EMILIN2: variants seen among roughly 807,000 people sequenced by gnomAD.
EMILIN2 encodes the protein elastin microfibril interfacer 2.
A neutral mutation model predicts 87.1 loss-of-function variants in EMILIN2; 71 were observed. That is an observed-to-expected ratio of 0.82 (90% confidence interval 0.67 to 0.99). The LOEUF (loss-of-function observed/expected upper bound fraction) is 0.99. EMILIN2 is among the 50% of genes least tolerant of loss of function. The pLI is 0.00. For missense variants in EMILIN2, 1,407 were observed against 1,371.8 expected (o/e 1.03, Z -0.40); for synonymous variants, 581 against 563.4 (o/e 1.03, Z -0.44).
intron 2 of EMILIN2, among the ~76,000 whole-genome samples, chr18:2,870,398 T>G (rs1355576456): frequency 6.6e-6 from 1 of 152,256 alleles, no homozygotes; most frequent in Non-Finnish European, 1.5e-5. Flanking sequence ...TGAAGACTAT[T>G]TGTTTCATTA....
intron 4 of EMILIN2, among the ~76,000 whole-genome samples, chr18:2,895,262 G>GT (rs988588953): frequency 7.9e-5 from 12 of 152,072 alleles, no homozygotes; most frequent in African/African-American, 2.9e-4. Flanking sequence ...TGAGCCCTCA[G>GT]TGTAGGTATT....
At chr18:2,884,542 G>A (rs1240434881) in intron 2 of EMILIN2, among the ~76,000 whole-genome samples, 2 of 152,326 alleles carry the variant, frequency 1.3e-5, no homozygotes, top group Admixed American at 6.5e-5. Flanking sequence ...CACTGTGCCC[G>A]GCCAGGAATA....
chr18:2,875,577 G>A (rs1345394910), intron 2 of EMILIN2, among the ~76,000 whole-genome samples: 1 of 152,342 alleles, frequency 6.6e-6, no homozygotes, highest in African/African-American at 2.4e-5. Context: ...GCTAAGGCTC[G>A]TGGGATGCCC....
chr18:2,897,807 A>T (rs572970544), intron 4 of EMILIN2, among the ~76,000 whole-genome samples: 1 of 151,228 alleles, frequency 6.6e-6, no homozygotes, highest in South Asian at 2.1e-4. Flanking sequence ...GGCTGCAGTG[A>T]GCTATGATCA....
In EMILIN2 at chr18:2,907,076, G is replaced by A; in HGVS notation, c.2653G>A (p.Gly885Ser). The A allele has an allele frequency of 8.0e-7, 1 of 1,253,724 alleles. No homozygotes were observed. Among genetic ancestry groups the A allele is most frequent in the Non-Finnish European group, 1.0e-6 (1 of 1,001,794 alleles). 77.7% of individuals were successfully genotyped at this position (1,253,724 alleles called of 1,614,324 possible). A position where few individuals can be genotyped will look rare whatever the true frequency, so the allele number is the denominator to read the frequency against. ...GTVPGAEGFAGAPGYPKSPPV... is the reference protein window; with the variant it reads ...GTVPGAEGFASAPGYPKSPPV... ...CGTCCCCGGCGCAGAAGGCTTCGCG[G>A]GCGCACCAGGTGAGGCCCGGGGCTG... Residue 885 changes from glycine (G) to serine (S), a missense_variant, in exon 5 of 8, where the codon GGC (glycine) becomes AGC (serine). By Grantham distance (56) the Gly-to-Ser change is moderately conservative. Transcript: ENST00000254528.
At chr18:2,864,711 C>T (rs1286376669) in intron 2 of EMILIN2, among the ~76,000 whole-genome samples, 2 of 152,100 alleles carry the variant, frequency 1.3e-5, no homozygotes, top group East Asian at 1.9e-4. Context: ...TTGCTCTTCT[C>T]AAGGAGTCTC....
chr18:2,865,927 G>C (rs1416338561), intron 2 of EMILIN2, among the ~76,000 whole-genome samples: 1 of 152,184 alleles, frequency 6.6e-6, no homozygotes, highest in Non-Finnish European at 1.5e-5. Flanking sequence ...CCCTCCCCCA[G>C]CCTCACTGCC....
chr18:2,853,665 C>A (rs904382421), intron 2 of EMILIN2, among the ~76,000 whole-genome samples: 3 of 152,210 alleles, frequency 2.0e-5, no homozygotes, highest in African/African-American at 7.2e-5. Flanking sequence ...GCAGAGCCTG[C>A]CTTCAAACCC....
At chr18:2,885,166 A>G in intron 3 of EMILIN2, 27 bp downstream of exon 3, 1 of 1,550,262 alleles carries the variant, frequency 6.5e-7, no homozygotes, top group Non-Finnish European at 8.7e-7. Flanking sequence ...GCTATTATGT[A>G]TGGCCACCTT....
At position 2,891,876 on chromosome 18, in the gene EMILIN2, GA is replaced by G; in HGVS notation, c.1752del (p.Lys584AsnfsTer32). ...CAGTACGCGACAGCCTGCACCTTTT[GA>G]AATCTCTCAACGACACGATGCACAG... is the stretch of plus-strand genomic sequence containing the variant. ...RAVRDSLHLLKSLNDTMHRKF... is the reference protein window; with the variant it reads ...RAVRDSLHLLXSLNDTMHRKF... On this transcript the variant is annotated frameshift_variant, in exon 4 of 8. Transcript: ENST00000254528. LOFTEE classifies it high-confidence loss of function. This position sits in a 1 kb window ranked among gnomAD's most constrained non-coding sequence, Gnocchi z 4.6. 1 of 1,614,240 alleles carries G rather than the reference GA, an allele frequency of 6.2e-7. No homozygotes were observed. The highest frequency in any genetic ancestry group is 2.2e-5 in the East Asian group (1 of 44,888).
intron 2 of EMILIN2, among the ~76,000 whole-genome samples, chr18:2,858,443 G>A (rs1446322830): frequency 7.0e-6 from 1 of 143,854 alleles, no homozygotes; most frequent in Non-Finnish European, 1.5e-5. Context: ...ACTTCATTTA[G>A]AATAATAGTC....
rs1190417648 is a variant in EMILIN2 at position 2,880,433 on chromosome 18, G to C, written c.258-4531G>C. On this transcript the variant is annotated intron_variant, in intron 2 of 7. Transcript: ENST00000254528. The surrounding 1 kb of genome is among the most constrained non-coding windows in gnomAD (Gnocchi z 4.1). ...CAAAGGAGACTTGGCTGGAATGGGGGAGAGTTCACAGGGGCGAGGCGGCAG... is the reference window on the plus strand; with the variant it reads ...CAAAGGAGACTTGGCTGGAATGGGGCAGAGTTCACAGGGGCGAGGCGGCAG... Among the ~76,000 whole-genome samples, 1 of 152,194 alleles carries C rather than the reference G, an allele frequency of 6.6e-6. No homozygotes were observed. Among genetic ancestry groups the C allele is most frequent in the Non-Finnish European group, 1.5e-5 (1 of 68,026 alleles).
chr18:2,854,749 G>A (rs545989924), intron 2 of EMILIN2, among the ~76,000 whole-genome samples: 2 of 152,120 alleles, frequency 1.3e-5, no homozygotes, highest in Non-Finnish European at 2.9e-5. Flanking sequence ...AGCCATGATT[G>A]CAGTACTGCA....
chr18:2,885,096 C>G lies in EMILIN2; in HGVS notation c.390C>G (p.Arg130=). The G allele has an allele frequency of 1.2e-6, 2 of 1,612,588 alleles. No individual in the cohort carries two copies. The highest frequency in any genetic ancestry group is 1.7e-6 in the Non-Finnish European group (2 of 1,179,490). The change falls in exon 3 of 8, where the codon CGC becomes CGG. Residue 130 remains arginine, a synonymous_variant. Coordinates refer to ENST00000254528, the MANE Select transcript of EMILIN2 (RefSeq NM_032048.3). ...EGPKDPVKTL[R]PTPARPRNSL... ...CCAAAGACCCCGTGAAGACCCTCCGCCCCACGCCGGCTCGGCCTCGAAACA... is the reference window on the plus strand; with the variant it reads ...CCAAAGACCCCGTGAAGACCCTCCGGCCCACGCCGGCTCGGCCTCGAAACA...
chr18:2,858,522 C>CATATATATATATAT (rs202158489), intron 2 of EMILIN2, among the ~76,000 whole-genome samples: 19 of 45,734 alleles, frequency 4.2e-4, no homozygotes, highest in Non-Finnish European at 6.4e-4. Flanking sequence ...AGTATTCCAT[C>CATATATATATATAT]ATATATATAT....
Position 2,892,091 on chromosome 18 carries a change from C to A in EMILIN2, c.1964C>A (p.Thr655Asn). ...KVGEQERTVD[T>N]LPSPQHPVAH... ...GGTGAGCAAGAAAGGACAGTGGACA[C>A]CCTGCCGTCCCCCCAGCACCCCGTG... is the stretch of plus-strand genomic sequence containing the variant. Residue 655 changes from threonine (T) to asparagine (N), a missense_variant, in exon 4 of 8, where the codon ACC becomes AAC. Thr to Asn is a moderately conservative substitution (Grantham distance 65, BLOSUM62 0). Coordinates refer to ENST00000254528, the MANE Select transcript of EMILIN2 (RefSeq NM_032048.3). The A allele has an allele frequency of 1.2e-6, 2 of 1,613,890 alleles. No individual in the cohort carries two copies. Among genetic ancestry groups the A allele is most frequent in the Non-Finnish European group, 1.7e-6 (2 of 1,179,826 alleles).
intron 2 of EMILIN2, among the ~76,000 whole-genome samples, chr18:2,868,624 T>G (rs1321492876): frequency 1.3e-5 from 2 of 152,082 alleles, no homozygotes; most frequent in African/African-American, 4.8e-5. Flanking sequence ...CGAAACCCCG[T>G]CTCCACCAAA....
At chr18:2,860,734 A>G (rs1019093242) in intron 2 of EMILIN2, among the ~76,000 whole-genome samples, 2 of 152,196 alleles carry the variant, frequency 1.3e-5, no homozygotes, top group East Asian at 1.9e-4. Context: ...ATGATTTATA[A>G]TCCTCTGGGT....
chr18:2,901,577 G>A (rs569614992), intron 4 of EMILIN2, among the ~76,000 whole-genome samples: 6 of 152,330 alleles, frequency 3.9e-5, no homozygotes, highest in South Asian at 2.1e-4. Context: ...CGACCCGTGC[G>A]GAGTGTCAGG....
Sources: gnomAD v4.1 joint callset for allele counts (sites outside exome capture counted in the v4.1 genomes callset) on GRCh38, gnomAD v4.1.1 for gene constraint, Gnocchi (gnomAD v3.1) non-coding constraint, MANE v1.5 for transcripts, NCBI Gene and HGNC (gene_info 2026-07-23, HGNC 2026-07-21) for gene names.